CFAP95: variants seen among roughly 807,000 people sequenced by gnomAD.
CFAP95 encodes cilia- and flagella-associated protein 95.
chr9:69,856,094 A>C, the CFAP95 span, among the ~76,000 whole-genome samples: 3 of 152,156 alleles, frequency 2.0e-5, no homozygotes, highest in African/African-American at 7.2e-5. Context: ...TTATAGTTTG[A>C]AGATTTTTCC....
chr9:69,905,929 A>G, the CFAP95 span: 22 of 1,467,088 alleles, frequency 1.5e-5, no homozygotes, highest in Non-Finnish European at 2.0e-5. Flanking sequence ...GTTATTAAAT[A>G]TTATTTCTCT....
At chr9:69,895,369 C>CTCTCTGTGTGTGTGTGTGTGTG in the CFAP95 span, among the ~76,000 whole-genome samples, 1 of 107,848 alleles carries the variant, frequency 9.3e-6, no homozygotes, top group Admixed American at 9.9e-5. Flanking sequence ...CTCTCTCTCT[C>CTCTCTGTGTGTGTGTGTGTGTG]TGTGTGTGTG....
chr9:69,841,455 T>C, the CFAP95 span, among the ~76,000 whole-genome samples: 2 of 151,856 alleles, frequency 1.3e-5, no homozygotes, highest in Non-Finnish European at 2.9e-5. Context: ...CCTGATAGAT[T>C]TGGGAGCATG....
the CFAP95 span, among the ~76,000 whole-genome samples, chr9:69,868,301 C>G: frequency 6.6e-6 from 1 of 151,784 alleles, no homozygotes; most frequent in Non-Finnish European, 1.5e-5. Context: ...ATCAAAGGTA[C>G]AGGCAGCAAA....
At chr9:69,899,063 C>G in the CFAP95 span, among the ~76,000 whole-genome samples, 3 of 152,224 alleles carry the variant, frequency 2.0e-5, no homozygotes, top group Non-Finnish European at 4.4e-5. Context: ...AATGCCCACT[C>G]ATTCCACACA....
chr9:69,877,020 G>T, the CFAP95 span, among the ~76,000 whole-genome samples: 10 of 152,110 alleles, frequency 6.6e-5, no homozygotes, highest in African/African-American at 2.4e-4. Flanking sequence ...ATCAACAGAA[G>T]TTTTAATTTA....
chr9:69,857,678 C>A, the CFAP95 span, among the ~76,000 whole-genome samples: 1 of 152,102 alleles, frequency 6.6e-6, no homozygotes, highest in African/African-American at 2.4e-5. Context: ...GCACATGCTG[C>A]CACGTCCGGC....
chr9:69,891,040 C>A, the CFAP95 span, among the ~76,000 whole-genome samples: 11 of 152,314 alleles, frequency 7.2e-5, no homozygotes, highest in Admixed American at 5.9e-4. Flanking sequence ...GTACCTCCAT[C>A]ATTTCCCAAA....
At chr9:69,891,816 G>A in the CFAP95 span, among the ~76,000 whole-genome samples, 11 of 152,144 alleles carry the variant, frequency 7.2e-5, no homozygotes, top group Non-Finnish European at 1.5e-4. Context: ...ATATGACCAC[G>A]TTATTCTTAA....
chr9:69,825,079 G>A, the CFAP95 span, among the ~76,000 whole-genome samples: 4 of 151,918 alleles, frequency 2.6e-5, no homozygotes, highest in African/African-American at 9.7e-5. Flanking sequence ...TATGCATTTT[G>A]GTCATAATTG....
chr9:69,833,685 C>T, the CFAP95 span, among the ~76,000 whole-genome samples: 1 of 152,016 alleles, frequency 6.6e-6, no homozygotes, highest in African/African-American at 2.4e-5. Context: ...TTTTAATAGC[C>T]CTTGTACATG....
chr9:69,880,515 G>A, the CFAP95 span, among the ~76,000 whole-genome samples: 6,679 of 152,166 alleles, frequency 0.044, 453 homozygotes, highest in African/African-American at 0.15. Context: ...GCTGAATAGT[G>A]GTTCATTGTC....
At chr9:69,844,688 G>C in the CFAP95 span, 47 of 1,216,494 alleles carry the variant, frequency 3.9e-5, no homozygotes, top group Middle Eastern at 1.9e-4. Flanking sequence ...ACATAAAAAG[G>C]TAAAGGGAGG....
chr9:69,886,840 G>T, the CFAP95 span: 1 of 1,612,274 alleles, frequency 6.2e-7, no homozygotes, highest in Non-Finnish European at 8.5e-7. Context: ...CCTCTTAGGT[G>T]TGCATTGACA....
At chr9:69,826,157 T>C in the CFAP95 span, among the ~76,000 whole-genome samples, 30 of 152,268 alleles carry the variant, frequency 2.0e-4, 1 homozygote, top group African/African-American at 7.0e-4. Context: ...AAGAGGGGAA[T>C]CTTTCCATGA....
At chr9:69,861,707 C>A in the CFAP95 span, among the ~76,000 whole-genome samples, 1 of 136,256 alleles carries the variant, frequency 7.3e-6, no homozygotes, top group South Asian at 2.3e-4. Flanking sequence ...GTCCTTTCTC[C>A]TGTTCTCCAT....
chr9:69,902,303 C>T, the CFAP95 span: 1 of 454,816 alleles, frequency 2.2e-6, no homozygotes, highest in South Asian at 1.6e-5. Flanking sequence ...TCTAAGCCTT[C>T]ATAGCAAAGG....
At chr9:69,849,197 T>G in the CFAP95 span, among the ~76,000 whole-genome samples, 3 of 152,110 alleles carry the variant, frequency 2.0e-5, no homozygotes, top group Non-Finnish European at 4.4e-5. Flanking sequence ...TCTATGAAAG[T>G]GGGGAGTTTG....
At chr9:69,881,421 G>A in the CFAP95 span, among the ~76,000 whole-genome samples, 1 of 152,180 alleles carries the variant, frequency 6.6e-6, no homozygotes, top group Non-Finnish European at 1.5e-5. Flanking sequence ...TGAAGAGACT[G>A]TCTTTTCTCC....
Sources: allele counts gnomAD v4.1 joint callset (sites outside exome capture counted in the v4.1 genomes callset), GRCh38; gene constraint gnomAD v4.1.1; transcripts MANE v1.5; gene names NCBI Gene and HGNC (gene_info 2026-07-23, HGNC 2026-07-21).